HERC2: variants seen among roughly 807,000 people sequenced by gnomAD.
HERC2 encodes the protein E3 ubiquitin-protein ligase HERC2.
Under a neutral mutation model 537.7 loss-of-function variants are expected in HERC2, and 102 were observed. The ratio of observed to expected loss-of-function variants is 0.19; its 90% CI spans 0.16 to 0.22. The LOEUF (loss-of-function observed/expected upper bound fraction) is 0.22. HERC2 is among the 10% of genes least tolerant of loss of function. The probability of loss-of-function intolerance (pLI) is 1.00; values close to 1 mark genes in which losing one functional copy is unlikely to be tolerated. For synonymous variants in HERC2, 2,224 were observed against 2,466.2 expected, an observed-to-expected ratio of 0.90 and a Z score of 2.91; for missense variants, 4,236 against 6,198.2, an observed-to-expected ratio of 0.68 and a Z score of 10.63.
intron 12 of HERC2, 150 bp from the exon 13 acceptor site, chr15:28,266,124 G>T (rs2075560997): frequency 2.5e-6 from 2 of 803,748 alleles, no homozygotes; most frequent in African/African-American, 1.7e-5. Flanking sequence ...AAGGAAGAGA[G>T]AATTCCAACA....
chr15:28,282,125 G>A (rs1411594511), intron 4 of HERC2, among the ~76,000 whole-genome samples: 1 of 152,166 alleles, frequency 6.6e-6, no homozygotes, highest in Admixed American at 6.5e-5. Context: ...GTAACCAGGG[G>A]CCTCTAGGCA....
chr15:28,288,860 A>C (rs1002778856), intron 4 of HERC2, among the ~76,000 whole-genome samples: 1 of 151,576 alleles, frequency 6.6e-6, no homozygotes, highest in African/African-American at 2.4e-5. Flanking sequence ...AAAAAAAAAA[A>C]AAAAGACTTT....
chr15:28,256,694 A>G (rs1360372830), intron 17 of HERC2, among the ~76,000 whole-genome samples: 1 of 152,182 alleles, frequency 6.6e-6, no homozygotes, highest in East Asian at 1.9e-4. Context: ...TCCCCAGTTC[A>G]TGCCATTTTC....
intron 4 of HERC2, among the ~76,000 whole-genome samples, chr15:28,285,805 A>G (rs1358402486): frequency 6.8e-6 from 1 of 146,654 alleles, no homozygotes; most frequent in Non-Finnish European, 1.5e-5. Flanking sequence ...ATGACTGACA[A>G]AAAAAAAAAA....
At chr15:28,242,419 A>G (rs1166050155) in intron 23 of HERC2, among the ~76,000 whole-genome samples, 1 of 152,186 alleles carries the variant, frequency 6.6e-6, no homozygotes, top group Non-Finnish European at 1.5e-5. Flanking sequence ...CTACTACTGG[A>G]TCCATCAGCC....
chr15:28,182,474 G>C lies in HERC2; in HGVS notation c.8864C>G (p.Ala2955Gly). The C allele has an allele frequency of 1.9e-6, 3 of 1,613,618 alleles. No individual in the cohort carries two copies. Among genetic ancestry groups the C allele is most frequent in the Non-Finnish European group, 2.5e-6 (3 of 1,179,942 alleles). Reference sequence around the variant, plus strand: ...CACAAACACCTTGGTTCTTATCGTAGCTGCTGATTCCAGCCCAGCAGCCTT... The same window carrying C: ...CACAAACACCTTGGTTCTTATCGTACCTGCTGATTCCAGCCCAGCAGCCTT... ...RKKAAGLESAATIRTKVFVWG... is the reference protein window; with the variant it reads ...RKKAAGLESAGTIRTKVFVWG... Residue 2955 changes from alanine (A) to glycine (G), a missense_variant, in exon 57 of 93, where the codon GCT becomes GGT. Physicochemically the swap from Ala to Gly is moderately conservative, Grantham distance 60 (BLOSUM62 0). Around this residue, in one of 27 missense-constraint regions of HERC2, gnomAD observed 606 missense variants for 884.5 expected, o/e 0.69. Transcript: ENST00000261609.
chr15:28,300,363 G>A (rs1331572379), intron 2 of HERC2, among the ~76,000 whole-genome samples: 43 of 148,812 alleles, frequency 2.9e-4, no homozygotes, highest in Non-Finnish European at 1.5e-4. Flanking sequence ...GTATGTCAAG[G>A]GACTTTTGAA....
Position 28,146,579 on chromosome 15 carries a change from C to T in HERC2, c.10901-235G>A, listed in dbSNP as rs1471769332. 2.6e-5 allele frequency among the ~76,000 whole-genome samples: 4 copies of T among 152,116 alleles called. No individual in the cohort carries two copies. In the South Asian group the frequency reaches 6.2e-4, roughly 24 times the overall value. On this transcript the variant is annotated intron_variant, in intron 70 of 92. Coordinates refer to ENST00000261609, the MANE Select transcript of HERC2 (RefSeq NM_004667.6). ...TTCCACTTGGCCAATTTGTTTTGTG[C>T]GGTCACTCCCGGGCAGACTTTCCTA... is the stretch of plus-strand genomic sequence containing the variant.
chr15:28,273,067 C>A, intron 7 of HERC2, 63 bp from the exon 8 acceptor site: 1 of 1,137,676 alleles, frequency 8.8e-7, no homozygotes, highest in Non-Finnish European at 1.3e-6. Context: ...TGCTTACAAT[C>A]ACACTAACAC....
intron 31 of HERC2, 100 bp downstream of exon 31, chr15:28,230,263 ACCGC>A: frequency 8.6e-7 from 1 of 1,164,244 alleles, no homozygotes; most frequent in Non-Finnish European, 1.3e-6. Context: ...GTTTCTAACA[ACCGC>A]CCGTCCCTCC....
chr15:28,140,615 G>A (rs536784212), intron 78 of HERC2, among the ~76,000 whole-genome samples: 34 of 151,770 alleles, frequency 2.2e-4, no homozygotes, highest in African/African-American at 8.2e-4. Flanking sequence ...TCCATCTCCC[G>A]GGTTCCAGTG....
At chr15:28,229,401 GAAC>G (rs1901591696) in intron 33 of HERC2, 55 bp from the exon 34 acceptor site, 6 of 1,613,050 alleles carry the variant, frequency 3.7e-6, no homozygotes, top group Non-Finnish European at 5.1e-6. Context: ...TTCTGTTACA[GAAC>G]AACATTTTGT....
At chr15:28,285,213 G>A (rs12592730) in intron 4 of HERC2, among the ~76,000 whole-genome samples, 10,221 of 152,154 alleles carry the variant, frequency 0.067, 864 homozygotes, top group East Asian at 0.42. Context: ...AAAATTTACA[G>A]AACACTCCAG....
intron 68 of HERC2, among the ~76,000 whole-genome samples, chr15:28,165,372 C>G (rs1308191668): frequency 6.6e-6 from 1 of 152,188 alleles, no homozygotes; most frequent in African/African-American, 2.4e-5. Flanking sequence ...CCAGGTTTCC[C>G]ACTTTCAGAG....
intron 19 of HERC2, 108 bp from the exon 20 acceptor site, chr15:28,254,626 G>T: frequency 1.5e-6 from 1 of 670,826 alleles, no homozygotes; most frequent in Non-Finnish European, 2.5e-6. Flanking sequence ...CAGCCTCTGT[G>T]GCTAATGCAC....
chr15:28,281,016 T>C lies in HERC2; in HGVS notation c.323-729A>G, dbSNP rs142210854. ...AAAACACTAGCCATTATTTTCATGTTACAAAACCAAATTCAATATAAAAAC... is the reference window on the plus strand; with the variant it reads ...AAAACACTAGCCATTATTTTCATGTCACAAAACCAAATTCAATATAAAAAC... On this transcript the variant is annotated intron_variant, in intron 4 of 92. Coordinates refer to ENST00000261609, the MANE Select transcript of HERC2 (RefSeq NM_004667.6). Among the ~76,000 whole-genome samples, 540 of 152,230 alleles carry C rather than the reference T, an allele frequency of 3.5e-3. 6 individuals carry two copies. The highest frequency in any genetic ancestry group is 0.012 in the African/African-American group (514 of 41,534).
At chr15:28,151,162 G>A (rs1276992638) in intron 70 of HERC2, among the ~76,000 whole-genome samples, 6 of 152,148 alleles carry the variant, frequency 3.9e-5, no homozygotes, top group Non-Finnish European at 7.3e-5. Context: ...TAAGTCTGTC[G>A]TGTATGAAAT....
At position 28,248,738 on chromosome 15, in the gene HERC2, T is replaced by C; in HGVS notation, c.3051-2A>G. The C allele has an allele frequency of 6.2e-7, 1 of 1,608,914 alleles. No individual in the cohort carries two copies. The highest frequency in any genetic ancestry group is 8.5e-7 in the Non-Finnish European group (1 of 1,176,304). On this transcript the variant is annotated splice_acceptor_variant, in intron 20 of 92. Transcript: ENST00000261609. LOFTEE classifies it high-confidence loss of function. ...GCTACAGTCTGAGAAGCAATGTTTC[T>C]ATACAGGAAAGAAGAGGATTACAAA...
At chr15:28,304,064 G>A (rs924044952) in intron 2 of HERC2, among the ~76,000 whole-genome samples, 1 of 146,926 alleles carries the variant, frequency 6.8e-6, no homozygotes, top group African/African-American at 2.5e-5. Flanking sequence ...TACTCAGGCA[G>A]CTAAGGCAGG....
Sources: allele counts gnomAD v4.1 joint callset (sites outside exome capture counted in the v4.1 genomes callset), GRCh38; gene constraint gnomAD v4.1.1; regional missense constraint gnomAD v4.1.1; transcripts MANE v1.5; gene names NCBI Gene and HGNC (gene_info 2026-07-23, HGNC 2026-07-21).